Variants in ZNF140 observed in about 807,000 individuals in gnomAD.
ZNF140 encodes zinc finger protein 140 (clone pHZ-39).
In ZNF140, 13 loss-of-function variants were observed where a neutral mutation model predicts 12.9. The ratio of observed to expected loss-of-function variants is 1.01; its 90% CI spans 0.66 to 1.60. The LOEUF (loss-of-function observed/expected upper bound fraction) is 1.60, where lower values mean the gene tolerates loss of function less well. Among genes scored for constraint, ZNF140 ranks in the 40% most tolerant of loss-of-function variants. ZNF140 has a pLI of 0.00. For synonymous variants in ZNF140, 214 were observed against 186.7 expected (o/e 1.15, Z -1.19); for missense variants, 531 against 548.8 (o/e 0.97, Z 0.32).
At chr12:133,099,259 G>T (rs1955246109) in intron 4 of ZNF140, among the ~76,000 whole-genome samples, 1 of 152,146 alleles carries the variant, frequency 6.6e-6, no homozygotes, top group Non-Finnish European at 1.5e-5. Flanking sequence ...TGCAGCCTCT[G>T]CCTCCCGGGT....
chr12:133,100,253 G>A (rs148704224), intron 4 of ZNF140, among the ~76,000 whole-genome samples: 4 of 133,406 alleles, frequency 3.0e-5, no homozygotes, highest in South Asian at 2.5e-4. Flanking sequence ...CTGCAGCCTC[G>A]AGCTCCTGGG....
At position 133,081,344 on chromosome 12, in the gene ZNF140, GATAA is replaced by G. The variant is rs1555291937; in HGVS notation, c.9+19_9+22del. The stretch of plus-strand genomic sequence containing the variant: ...CTATGTCTCAGGTAAGCTAATGATT[GATAA>G]ATATATATATATATATATATATAAA... On this transcript the variant is annotated intron_variant, in intron 2 of 4. Coordinates refer to ENST00000355557, the MANE Select transcript of ZNF140 (RefSeq NM_003440.4). The G allele has an allele frequency of 5.4e-5, 25 of 461,276 alleles. 1 individual carries two copies. The highest frequency in any genetic ancestry group is 8.2e-5 in the Non-Finnish European group (22 of 269,678). The allele number at this position is 461,276 out of a possible 1,614,324, so 28.6% of individuals were successfully genotyped here.
At chr12:133,101,211 C>T (rs1955334016) in intron 4 of ZNF140, among the ~76,000 whole-genome samples, 1 of 152,060 alleles carries the variant, frequency 6.6e-6, no homozygotes, top group Non-Finnish European at 1.5e-5. Flanking sequence ...TGGTTTATGA[C>T]ATTAATTTGG....
chr12:133,086,017 T>G (rs1274730955), intron 4 of ZNF140, among the ~76,000 whole-genome samples: 1 of 152,240 alleles, frequency 6.6e-6, no homozygotes, highest in Non-Finnish European at 1.5e-5. Context: ...AGACCCTATT[T>G]TTTTAAAAGT....
In ZNF140 at chr12:133,106,071, G is replaced by T. The variant is rs1256547468; in HGVS notation, c.794G>T (p.Arg265Ile). ...GCCTCCAACCTCACTCGACATCAAA[G>T]AATTCACATAGGAAAGAAACAATAT... ...SRASNLTRHQ[R>I]IHIGKKQYIC... Residue 265 changes from arginine to isoleucine, a missense_variant, in exon 5 of 5, where the codon AGA becomes ATA. Arg to Ile is a moderately conservative substitution (Grantham distance 97). Transcript: ENST00000355557. 24 of 1,613,934 alleles carry T rather than the reference G, an allele frequency of 1.5e-5. No homozygotes were observed. Among genetic ancestry groups the T allele is most frequent in the Admixed American group, 3.3e-5 (2 of 59,992 alleles).
chr12:133,105,061 G>A (rs967799193), intron 4 of ZNF140, among the ~76,000 whole-genome samples: 3 of 152,054 alleles, frequency 2.0e-5, no homozygotes, highest in Admixed American at 6.6e-5. Flanking sequence ...CAGAGAAACC[G>A]CTTTTTTTTT....
rs1317289707 is a variant in ZNF140, at chr12:133,106,648, G to T, written c.1371G>T (p.Gln457His). 5 of 1,572,554 alleles carry T rather than the reference G, an allele frequency of 3.2e-6. No individual in the cohort carries two copies. The Admixed American group carries it at 5.8e-5, about 18-fold the overall frequency. ...FNYHSFLTEHQ is the reference protein window; with the variant it reads ...FNYHSFLTEHH ...ACCACTCATTCCTTACTGAACACCA[G>T]TGAATTTACACTGCAAAGAAAAACT... Residue 457 changes from glutamine to histidine, a missense_variant, in exon 5 of 5, where the codon CAG becomes CAT. Physicochemically the swap from Gln to His is conservative, Grantham distance 24. Transcript: ENST00000355557.
upstream of ZNF140, chr12:133,080,672 G>A (rs1954437265): frequency 6.6e-6 from 1 of 152,318 alleles, no homozygotes; most frequent in African/African-American, 2.4e-5. Context: ...CTGGCGCACC[G>A]GGCCGCGATG....
At chr12:133,081,451 C>A in intron 2 of ZNF140, 122 bp downstream of exon 2, 1 of 439,204 alleles carries the variant, frequency 2.3e-6, no homozygotes, top group Non-Finnish European at 4.5e-6. Context: ...CATCCTGTAA[C>A]CTCAAACTCT....
chr12:133,081,154 C>A, intron 1 of ZNF140, 82 bp downstream of exon 1: 1 of 322,932 alleles, frequency 3.1e-6, no homozygotes, highest in Non-Finnish European at 6.1e-6. Context: ...TCAGGGCGCC[C>A]TGCTCTCTAC....
At chr12:133,104,990 T>C (rs1471095507) in intron 4 of ZNF140, among the ~76,000 whole-genome samples, 1 of 152,186 alleles carries the variant, frequency 6.6e-6, no homozygotes, top group Non-Finnish European at 1.5e-5. Context: ...GACATAATTA[T>C]ACCAAATATG....
intron 4 of ZNF140, among the ~76,000 whole-genome samples, chr12:133,097,238 T>C (rs1955161927): frequency 6.6e-6 from 1 of 152,244 alleles, no homozygotes; most frequent in Non-Finnish European, 1.5e-5. Flanking sequence ...TGCATCTTCA[T>C]ATTTAAACTA....
intron 4 of ZNF140, among the ~76,000 whole-genome samples, chr12:133,096,878 G>A (rs115995927): frequency 0.03 from 4,603 of 152,298 alleles, 217 homozygotes; most frequent in African/African-American, 0.1. Context: ...GTTGATTGAT[G>A]GTGCTGTTAA....
chr12:133,084,031 T>C, intron 4 of ZNF140: 2 of 330,988 alleles, frequency 6.0e-6, no homozygotes, highest in Non-Finnish European at 1.2e-5. Flanking sequence ...CACTACTTCA[T>C]ACCCAATTCT....
At chr12:133,102,760 AAAAAG>A (rs1355626939) in intron 4 of ZNF140, among the ~76,000 whole-genome samples, 6 of 151,274 alleles carry the variant, frequency 4.0e-5, no homozygotes, top group Non-Finnish European at 7.4e-5. Context: ...TAAAAAAAAA[AAAAAG>A]AAAAAAGAAA....
At chr12:133,103,888 A>G (rs1048053925) in intron 4 of ZNF140, among the ~76,000 whole-genome samples, 1 of 152,250 alleles carries the variant, frequency 6.6e-6, no homozygotes, top group African/African-American at 2.4e-5. Flanking sequence ...GAGGCAAGAA[A>G]GGAATTTAAT....
chr12:133,090,910 T>A (rs970651065), intron 4 of ZNF140, among the ~76,000 whole-genome samples: 5 of 143,268 alleles, frequency 3.5e-5, no homozygotes, highest in Non-Finnish European at 6.2e-5. Context: ...GAGTAAAGAA[T>A]AACAAGGCAG....
rs1419885664 is a variant in ZNF140, at chr12:133,105,889, T to C, written c.612T>C (p.Leu204=). 2 of 1,614,190 alleles carry C rather than the reference T, an allele frequency of 1.2e-6. No homozygotes were observed. The highest frequency in any genetic ancestry group is 1.7e-6 in the Non-Finnish European group (2 of 1,180,026). The change falls in exon 5 of 5, where the codon CTT becomes CTC. Residue 204 remains leucine (L), a synonymous_variant. Coordinates refer to ENST00000355557, the MANE Select transcript of ZNF140 (RefSeq NM_003440.4). ...CGKTFSQISN[L]VKHQMIHTGK... The stretch of plus-strand genomic sequence containing the variant: ...AAACCTTTAGCCAGATTTCAAACCT[T>C]GTGAAACACCAAATGATACATACTG...
intron 4 of ZNF140, chr12:133,084,347 C>G: frequency 3.3e-6 from 1 of 306,116 alleles, no homozygotes; most frequent in Non-Finnish European, 6.3e-6. Flanking sequence ...CACATACACT[C>G]TTAATATTTA....
Sources: allele counts gnomAD v4.1 joint callset (sites outside exome capture counted in the v4.1 genomes callset), GRCh38; gene constraint gnomAD v4.1.1; transcripts MANE v1.5; gene names NCBI Gene and HGNC (gene_info 2026-07-23, HGNC 2026-07-21).